The following ESF1 variants were observed in gnomAD, a reference collection of about 807,000 sequenced individuals.
The protein encoded by ESF1 is ESF1 homolog.
Under a neutral mutation model 92.0 loss-of-function variants are expected in ESF1, and 58 were observed. The ratio of observed to expected loss-of-function variants is 0.63; its 90% CI spans 0.51 to 0.78. The LOEUF is 0.78. Among genes scored for constraint, ESF1 ranks in the 30% least tolerant of loss-of-function variants. The pLI, the probability that ESF1 is intolerant of heterozygous loss-of-function variation, is 0.00. For missense variants in ESF1, 922 were observed against 989.1 expected, an observed-to-expected ratio of 0.93 and a Z score of 0.91; for synonymous variants, 321 against 313.7, an observed-to-expected ratio of 1.02 and a Z score of -0.24.
chr20:13,741,724 A>G (rs1383705119), intron 9 of ESF1, among the ~76,000 whole-genome samples: 1 of 152,258 alleles, frequency 6.6e-6, no homozygotes, highest in East Asian at 1.9e-4. Context: ...GACAAAAAAG[A>G]GTTTCTTAGA....
chr20:13,782,869 T>C lies in ESF1; in HGVS notation c.272A>G (p.Gln91Arg), dbSNP rs752262693. 11 of 1,609,172 alleles carry C rather than the reference T, an allele frequency of 6.8e-6. No individual in the cohort carries two copies. The highest frequency in any genetic ancestry group is 2.3e-5 in the South Asian group (2 of 88,698). Residue 91 changes from glutamine to arginine, a missense_variant, in exon 2 of 14, where the codon CAA (glutamine) becomes CGA (arginine). Transcript: ENST00000617257. ...LSGEDSKALS[Q>R]KKIKKKKTQT... ...GGTTTTTTTCTTCTTTATTTTCTTTTGACTCAATGCTTTGCTATCTTCACC... is the reference window on the plus strand; with the variant it reads ...GGTTTTTTTCTTCTTTATTTTCTTTCGACTCAATGCTTTGCTATCTTCACC...
chr20:13,716,627 ATTTTCTTTTT>A (rs2049827088), intron 13 of ESF1, among the ~76,000 whole-genome samples: 1 of 146,006 alleles, frequency 6.8e-6, no homozygotes, highest in African/African-American at 2.5e-5. Context: ...TTCTGAAGAC[ATTTTCTTTTT>A]TTTTCTTTTT....
chr20:13,766,472 T>C (rs1037632858), intron 8 of ESF1, among the ~76,000 whole-genome samples: 4 of 152,226 alleles, frequency 2.6e-5, no homozygotes, highest in African/African-American at 9.6e-5. Context: ...CTCTTATTTT[T>C]TAAAAAGGCA....
intron 9 of ESF1, among the ~76,000 whole-genome samples, chr20:13,757,698 C>G (rs1267931647): frequency 1.3e-5 from 2 of 152,106 alleles, no homozygotes; most frequent in Admixed American, 1.3e-4. Flanking sequence ...GCCCCTGTGC[C>G]CGGTTTCATA....
chr20:13,766,023 TCAG>T (rs1380390624), intron 8 of ESF1, among the ~76,000 whole-genome samples: 3 of 152,264 alleles, frequency 2.0e-5, no homozygotes, highest in African/African-American at 7.2e-5. Context: ...GAGAGGTCTA[TCAG>T]CAGATTTAAC....
intron 10 of ESF1, among the ~76,000 whole-genome samples, chr20:13,730,077 GCT>G (rs1491384506): frequency 1.3e-5 from 2 of 150,980 alleles, no homozygotes; most frequent in African/African-American, 4.9e-5. Context: ...AGTGCTTCTG[GCT>G]TTTTTTTTTG....
chr20:13,759,819 T>C lies in ESF1; in HGVS notation c.1701A>G (p.Lys567=). Residue 567 remains lysine, a synonymous_variant, in exon 9 of 14, where the codon AAA becomes AAG. Coordinates refer to ENST00000617257, the MANE Select transcript of ESF1 (RefSeq NM_001276380.2). ...CATCATCCTTCTGACTTTTCTTTGT[T>C]TTCCCATCTTCTTCTACATTGACTC... The part of the protein sequence containing the change: ...DDGVNVEEDG[K]TKKSQKDDEE... 31 of 1,600,648 alleles carry C rather than the reference T, an allele frequency of 1.9e-5. No individual in the cohort carries two copies. Among genetic ancestry groups the C allele is most frequent in the Middle Eastern group, 1.7e-4 (1 of 6,040 alleles).
intron 9 of ESF1, among the ~76,000 whole-genome samples, chr20:13,748,593 T>TATATATATATA (rs1466247619): frequency 8.5e-5 from 1 of 11,818 alleles, no homozygotes; most frequent in Non-Finnish European, 1.5e-4. Context: ...TATATATATA[T>TATATATATATA]TTTTTTTTTT....
chr20:13,741,142 AACAAT>A (rs1407669854), intron 9 of ESF1, among the ~76,000 whole-genome samples: 1 of 152,158 alleles, frequency 6.6e-6, no homozygotes, highest in Non-Finnish European at 1.5e-5. Flanking sequence ...CCCAGAAGGT[AACAAT>A]ACATCAATTC....
chr20:13,759,017 A>T (rs1362739271), intron 9 of ESF1, among the ~76,000 whole-genome samples: 1 of 152,232 alleles, frequency 6.6e-6, no homozygotes, highest in Non-Finnish European at 1.5e-5. Flanking sequence ...ACAATAAAAC[A>T]GAATAATTAC....
chr20:13,773,764 G>C (rs189748364), intron 4 of ESF1, among the ~76,000 whole-genome samples: 4 of 152,178 alleles, frequency 2.6e-5, no homozygotes, highest in African/African-American at 9.6e-5. Context: ...GAAGCGACAG[G>C]GTGAGTTTTT....
At chr20:13,783,267 A>T in intron 1 of ESF1, 84 bp from the exon 2 acceptor site, 1 of 961,226 alleles carries the variant, frequency 1.0e-6, no homozygotes, top group Non-Finnish European at 1.5e-6. Flanking sequence ...AATATATTCT[A>T]AGTTAATATA....
intron 9 of ESF1, among the ~76,000 whole-genome samples, chr20:13,755,936 T>G (rs1978872363): frequency 6.6e-6 from 1 of 152,190 alleles, no homozygotes; most frequent in East Asian, 1.9e-4. Context: ...CTTATTTTCC[T>G]GAAGAGGTTA....
intron 9 of ESF1, among the ~76,000 whole-genome samples, chr20:13,739,789 G>A (rs1035303869): frequency 1.1e-4 from 17 of 151,784 alleles, no homozygotes; most frequent in African/African-American, 4.1e-4. Context: ...AGTTTTCCTT[G>A]GGGACAAACA....
chr20:13,741,316 T>C (rs1364422838), intron 9 of ESF1, among the ~76,000 whole-genome samples: 1 of 150,476 alleles, frequency 6.6e-6, no homozygotes, highest in Non-Finnish European at 1.5e-5. Context: ...GTCCTTTCAA[T>C]TGTTGCTTTT....
chr20:13,769,798 TAAC>T (rs2147771893), intron 7 of ESF1, 106 bp downstream of exon 7: 1 of 793,392 alleles, frequency 1.3e-6, no homozygotes, highest in African/African-American at 1.8e-5. Flanking sequence ...GAAAAAATAA[TAAC>T]AAAAAAATTA....
At chr20:13,759,102 G>A (rs753904644) in intron 9 of ESF1, among the ~76,000 whole-genome samples, 19 of 152,086 alleles carry the variant, frequency 1.2e-4, no homozygotes, top group Non-Finnish European at 2.5e-4. Context: ...ACTATACTGG[G>A]TAACAAACTG....
intron 2 of ESF1, among the ~76,000 whole-genome samples, chr20:13,780,137 G>A (rs56186730): frequency 0.093 from 14,147 of 152,236 alleles, 816 homozygotes; most frequent in Non-Finnish European, 0.13. Context: ...ATTACTGCAA[G>A]CAATGTGGTG....
At position 13,782,881 on chromosome 20, in the gene ESF1, T is replaced by G; in HGVS notation, c.260A>C (p.Lys87Thr). 6.2e-7 allele frequency: 1 copy of G among 1,613,874 alleles called. No individual in the cohort carries two copies. Among genetic ancestry groups the G allele is most frequent in the Non-Finnish European group, 8.5e-7 (1 of 1,180,012 alleles). The change falls in exon 2 of 14, where the codon AAA (lysine) becomes ACA (threonine). Residue 87 changes from lysine to threonine, a missense_variant. Transcript: ENST00000617257. ...SDSNLSGEDS[K>T]ALSQKKIKKK... ...CTTTATTTTCTTTTGACTCAATGCT[T>G]TGCTATCTTCACCAGAGAGATTGGA...
Sources: gnomAD v4.1 joint callset for allele counts (sites outside exome capture counted in the v4.1 genomes callset) on GRCh38, gnomAD v4.1.1 for gene constraint, MANE v1.5 for transcripts, NCBI Gene and HGNC (gene_info 2026-07-23, HGNC 2026-07-21) for gene names.